The following PDE4B variants were observed in gnomAD, a reference collection of about 807,000 sequenced individuals.
The protein encoded by PDE4B is phosphodiesterase 4B, also known as 3',5'-cyclic-AMP phosphodiesterase 4B.
Under a neutral mutation model 82.2 loss-of-function variants are expected in PDE4B, and 20 were observed. The observed-to-expected ratio is 0.24, with a 90% CI of 0.17 to 0.35. The LOEUF (loss-of-function observed/expected upper bound fraction) is 0.35. Ranked by LOEUF, PDE4B falls within the 10% of genes least tolerant of loss-of-function variation. The pLI is 1.00. For synonymous variants in PDE4B, 320 were observed against 318.9 expected (o/e 1.00, Z -0.04); for missense variants, 655 against 907.2 (o/e 0.72, Z 3.57).
chr1:66,134,551 A>G (rs965399577), intron 3 of PDE4B, among the ~76,000 whole-genome samples: 4 of 152,212 alleles, frequency 2.6e-5, no homozygotes, highest in African/African-American at 9.6e-5. Flanking sequence ...TGGGCTGAAC[A>G]TGGGTCCTTG....
intron 7 of PDE4B, among the ~76,000 whole-genome samples, chr1:66,283,715 A>G (rs1204377939): frequency 6.6e-6 from 1 of 152,110 alleles, no homozygotes; most frequent in Non-Finnish European, 1.5e-5. Flanking sequence ...ATGCTTGCTA[A>G]CTTAATCATA....
At chr1:66,205,371 A>G (rs1440014994) in intron 3 of PDE4B, among the ~76,000 whole-genome samples, 1 of 152,232 alleles carries the variant, frequency 6.6e-6, no homozygotes, top group Non-Finnish European at 1.5e-5. Context: ...ATAACTACTG[A>G]TAACATTTAT....
In PDE4B at chr1:65,858,409, G is replaced by A. The variant is rs569958385; in HGVS notation, c.-70-54836G>A. 8.5e-5 allele frequency among the ~76,000 whole-genome samples: 13 copies of A among 152,248 alleles called. 1 individual carries two copies. The highest frequency in any genetic ancestry group is 3.4e-3 in the Middle Eastern group (1 of 294). On this transcript the variant is annotated intron_variant, in intron 1 of 16. Transcript: ENST00000341517. ...CTGATTTATAATCTTTTTTACACAA[G>A]AAAATGTATCGAAGTTTTAAACAGC...
chr1:66,233,152 C>T (rs1449975057), intron 3 of PDE4B, among the ~76,000 whole-genome samples: 1 of 152,142 alleles, frequency 6.6e-6, no homozygotes, highest in Non-Finnish European at 1.5e-5. Flanking sequence ...CCCCTTTCCC[C>T]CCAGGAAACT....
intron 3 of PDE4B, among the ~76,000 whole-genome samples, chr1:65,967,168 A>G (rs1029963655): frequency 6.6e-6 from 1 of 152,226 alleles, no homozygotes; most frequent in Admixed American, 6.5e-5. Flanking sequence ...CAGAATCTAC[A>G]AAGAACTTAA....
intron 3 of PDE4B, among the ~76,000 whole-genome samples, chr1:66,244,234 A>G (rs932471527): frequency 6.6e-6 from 1 of 152,246 alleles, no homozygotes; most frequent in African/African-American, 2.4e-5. Context: ...CCAAACCTGC[A>G]GGAGAAAAAA....
At chr1:66,285,586 A>G (rs1656619711) in intron 7 of PDE4B, among the ~76,000 whole-genome samples, 1 of 152,118 alleles carries the variant, frequency 6.6e-6, no homozygotes, top group Non-Finnish European at 1.5e-5. Flanking sequence ...ATAAGTGAAA[A>G]CATGCAGTAT....
chr1:66,012,968 A>G (rs764819822), intron 3 of PDE4B, among the ~76,000 whole-genome samples: 1 of 152,086 alleles, frequency 6.6e-6, no homozygotes, highest in Non-Finnish European at 1.5e-5. Flanking sequence ...CCATCCAAGG[A>G]TGTAGAAACT....
At chr1:65,798,611 C>A (rs1186783339) in intron 1 of PDE4B, among the ~76,000 whole-genome samples, 1 of 151,856 alleles carries the variant, frequency 6.6e-6, no homozygotes, top group Non-Finnish European at 1.5e-5. Context: ...GTCTTGGCTT[C>A]CCAAAGTGCT....
At chr1:66,048,908 C>A (rs1432907945) in intron 3 of PDE4B, 5 of 151,894 alleles carry the variant, frequency 3.3e-5, no homozygotes. Context: ...TAGACACCTC[C>A]ATTTTTAAGT....
At chr1:65,858,444 TA>T (rs2100243895) in intron 1 of PDE4B, among the ~76,000 whole-genome samples, 1 of 152,338 alleles carries the variant, frequency 6.6e-6, no homozygotes, top group East Asian at 1.9e-4. Context: ...CCGTGATGGC[TA>T]TTTGGCTGCA....
At chr1:66,181,702 A>G (rs490094) in intron 3 of PDE4B, among the ~76,000 whole-genome samples, 5,536 of 152,176 alleles carry the variant, frequency 0.036, 339 homozygotes, top group African/African-American at 0.13. Flanking sequence ...CTTTGTAGTT[A>G]TTTTACCACC....
chr1:65,915,802 A>T (rs1423697408), intron 2 of PDE4B, among the ~76,000 whole-genome samples: 2 of 152,202 alleles, frequency 1.3e-5, no homozygotes, highest in Non-Finnish European at 2.9e-5. Context: ...ACTTTTAAAC[A>T]AACAGTTATT....
intron 3 of PDE4B, among the ~76,000 whole-genome samples, chr1:65,958,729 G>A (rs1455693358): frequency 7.7e-6 from 1 of 129,820 alleles, no homozygotes; most frequent in Non-Finnish European, 1.6e-5. Context: ...TTGGTATAAT[G>A]TGATACACAC....
intron 7 of PDE4B, among the ~76,000 whole-genome samples, chr1:66,302,005 G>A (rs1007980965): frequency 6.6e-5 from 10 of 152,164 alleles, no homozygotes; most frequent in African/African-American, 1.9e-4. Flanking sequence ...AAACCACAGA[G>A]GTTTGGACTG....
intron 16 of PDE4B, among the ~76,000 whole-genome samples, chr1:66,370,609 A>G (rs909832470): frequency 6.6e-6 from 1 of 152,222 alleles, no homozygotes; most frequent in Non-Finnish European, 1.5e-5. Flanking sequence ...TTGGCCCAGC[A>G]GTAAAGCTCT....
intron 3 of PDE4B, among the ~76,000 whole-genome samples, chr1:65,996,511 C>A (rs1651550384): frequency 6.6e-6 from 1 of 152,012 alleles, no homozygotes; most frequent in Non-Finnish European, 1.5e-5. Context: ...CTGATTCAAC[C>A]CACATGTATT....
intron 3 of PDE4B, among the ~76,000 whole-genome samples, chr1:66,074,001 C>T (rs1363010859): frequency 2.0e-5 from 3 of 152,098 alleles, no homozygotes; most frequent in African/African-American, 7.2e-5. Flanking sequence ...TCCTTGGGAA[C>T]TTCAAGGCTG....
intron 3 of PDE4B, among the ~76,000 whole-genome samples, chr1:66,111,934 CTAAATGTTTTATAT>C (rs1164833242): frequency 1.3e-5 from 2 of 152,062 alleles, no homozygotes; most frequent in Non-Finnish European, 2.9e-5. Flanking sequence ...TTTGGCAAGA[CTAAATGTTTTATAT>C]TGGAAACCCA....
Sources: gnomAD v4.1 joint callset for allele counts (sites outside exome capture counted in the v4.1 genomes callset) on GRCh38, gnomAD v4.1.1 for gene constraint, MANE v1.5 for transcripts, NCBI Gene and HGNC (gene_info 2026-07-23, HGNC 2026-07-21) for gene names.